C5orf58: variants seen among roughly 807,000 people sequenced by gnomAD.
C5orf58 encodes the protein chromosome 5 open reading frame 58.
In C5orf58, 2 loss-of-function variants were observed where a neutral mutation model predicts 2.9. That is an observed-to-expected ratio of 0.69 (90% confidence interval 0.28 to 2.18). C5orf58 has a LOEUF of 2.18. Among genes scored for constraint, C5orf58 ranks in the 30% most tolerant of loss-of-function variants. C5orf58 has a pLI of 0.13. For synonymous variants in C5orf58, 37 were observed against 33.4 expected, an observed-to-expected ratio of 1.11 and a Z score of -0.37; for missense variants, 96 against 91.7, an observed-to-expected ratio of 1.05 and a Z score of -0.19.
At chr5:170,234,463 C>T (rs1175439533) in intron 2 of C5orf58, among the ~76,000 whole-genome samples, 1 of 152,174 alleles carries the variant, frequency 6.6e-6, no homozygotes, top group Non-Finnish European at 1.5e-5. Flanking sequence ...TACTCTAACT[C>T]CCAAAACCAA....
chr5:170,252,304 C>A (rs1761462158), downstream of C5orf58: 3 of 505,494 alleles, frequency 5.9e-6, no homozygotes, highest in African/African-American at 1.9e-5. Flanking sequence ...ACTAATGGGT[C>A]TCCTAGGTAT....
chr5:170,241,114 T>A (rs1277019331), intron 3 of C5orf58, among the ~76,000 whole-genome samples: 1 of 150,632 alleles, frequency 6.6e-6, no homozygotes, highest in Non-Finnish European at 1.5e-5. Flanking sequence ...CTGAGGGCTC[T>A]GTTCTGTTCC....
chr5:170,250,694 A>G (rs1182460242), downstream of C5orf58: 2 of 1,579,302 alleles, frequency 1.3e-6, no homozygotes. Context: ...GCATAAATAA[A>G]GACTTTGGGA....
At position 170,252,182 on chromosome 5, in the gene C5orf58, A is replaced by G. The variant is rs1030323509; in HGVS notation, c.*527A>G. The G allele has an allele frequency of 9.6e-6, 3 of 311,448 alleles. No individual in the cohort carries two copies. In the East Asian group the frequency reaches 1.6e-4, roughly 16 times the overall value. 19.3% of individuals were successfully genotyped at this position (311,448 alleles called of 1,614,324 possible). A position where few individuals can be genotyped will look rare whatever the true frequency, so the allele number is the denominator to read the frequency against. ...GACAAGACAGACTCTTTCATTAATA[A>G]AATCTCCTAAGATGCTGCCAACCAA... is the stretch of plus-strand genomic sequence containing the variant. On this transcript the variant is annotated 3_prime_UTR_variant, in exon 3 of 3. Transcript: ENST00000517575.
chr5:170,250,931 AT>A, downstream of C5orf58: 1 of 1,551,410 alleles, frequency 6.4e-7, no homozygotes, highest in Non-Finnish European at 8.8e-7. Context: ...AAAAGTCAAT[AT>A]TTTTGTTGCT....
In C5orf58 at chr5:170,246,075, T is replaced by C; in HGVS notation, c.208T>C (p.Ser70Pro). The part of the protein sequence containing the change: ...NNPLFEESKI[S>P]DVSLVSNSFS... Reference sequence around the variant, plus strand: ...CCCCCTCTTTGAAGAGTCTAAAATATCAGATGTATCCCTTGTTTCTAACAG... The same window carrying C: ...CCCCCTCTTTGAAGAGTCTAAAATACCAGATGTATCCCTTGTTTCTAACAG... Residue 70 changes from serine (S) to proline (P), a missense_variant, in exon 4 of 4, where the codon TCA becomes CCA. Coordinates refer to ENST00000593851, the MANE Select transcript of C5orf58 (RefSeq NM_001102609.3). The C allele has an allele frequency of 6.2e-7, 1 of 1,613,518 alleles. No homozygotes were observed. Among genetic ancestry groups the C allele is most frequent in the Non-Finnish European group, 8.5e-7 (1 of 1,179,548 alleles).
chr5:170,233,765 C>G (rs1333980355), intron 1 of C5orf58: 1 of 219,490 alleles, frequency 4.6e-6, no homozygotes, highest in African/African-American at 2.4e-5. Flanking sequence ...CAGACCTGTC[C>G]TGCCTCCAGT....
At chr5:170,248,610 C>T, downstream of C5orf58, 2 of 1,456,510 alleles carry the variant, frequency 1.4e-6, no homozygotes, top group Non-Finnish European at 1.9e-6. Context: ...CAGTTCAGTC[C>T]TAAGTGTTTG....
Position 170,234,958 on chromosome 5 carries a change from GT to G in C5orf58, c.1-14del. Reference sequence around the variant, plus strand: ...AAATACTGATTTATACATTGTTTCTGTTTTTCTTTTAAAATCAGATGGGTAA... The same window carrying G: ...AAATACTGATTTATACATTGTTTCTGTTTTCTTTTAAAATCAGATGGGTAA... On this transcript the variant is annotated intron_variant, in intron 2 of 3. Transcript: ENST00000593851. The G allele has an allele frequency of 2.4e-6, 3 of 1,224,996 alleles. No homozygotes were observed. The highest frequency in any genetic ancestry group is 2.3e-6 in the Non-Finnish European group (2 of 860,384). The allele number at this position is 1,224,996 out of a possible 1,614,324, so 75.9% of individuals were successfully genotyped here. A position where few individuals can be genotyped will look rare whatever the true frequency, so the allele number is the denominator to read the frequency against.
exon 3 of C5orf58, chr5:170,251,873 G>T: frequency 3.8e-6 from 1 of 262,898 alleles, no homozygotes; most frequent in Non-Finnish European, 8.1e-6. Context: ...CTACTGGTGT[G>T]GAGTTTAAGT....
At chr5:170,247,068 T>C (rs1485358274), downstream of C5orf58, 1 of 152,208 alleles carries the variant, frequency 6.6e-6, no homozygotes, top group Admixed American at 6.5e-5. Context: ...ATTGTAAAGA[T>C]AGAATACGGC....
intron 3 of C5orf58, among the ~76,000 whole-genome samples, chr5:170,245,459 G>T (rs529102141): frequency 6.6e-6 from 1 of 152,208 alleles, no homozygotes; most frequent in Non-Finnish European, 1.5e-5. Flanking sequence ...AGCCAGGTGC[G>T]GGATATAATC....
chr5:170,250,769 A>C, downstream of C5orf58: 1 of 1,613,378 alleles, frequency 6.2e-7, no homozygotes, highest in Non-Finnish European at 8.5e-7. Flanking sequence ...AGTAAACTTG[A>C]CTTTCCTTCT....
intron 3 of C5orf58, among the ~76,000 whole-genome samples, chr5:170,238,499 T>G (rs1399811463): frequency 6.6e-6 from 1 of 152,032 alleles, no homozygotes; most frequent in Non-Finnish European, 1.5e-5. Context: ...ATAAGAGTGT[T>G]AGAAAGAGAG....
chr5:170,237,895 GT>G (rs201083185), intron 3 of C5orf58, among the ~76,000 whole-genome samples: 4 of 152,096 alleles, frequency 2.6e-5, no homozygotes, highest in East Asian at 1.9e-4. Flanking sequence ...AAGACCCCCA[GT>G]TTTTTTTCCT....
chr5:170,247,330 AGTCTCTACCTTCT>A (rs1262088548), downstream of C5orf58: 4 of 152,248 alleles, frequency 2.6e-5, no homozygotes, highest in Non-Finnish European at 5.9e-5. Flanking sequence ...ATCAGTTAAA[AGTCTCTACCTTCT>A]GCATACTCCT....
intron 3 of C5orf58, among the ~76,000 whole-genome samples, chr5:170,242,920 T>C (rs1278821332): frequency 1.4e-5 from 2 of 143,846 alleles, no homozygotes; most frequent in Admixed American, 7.0e-5. Flanking sequence ...CATTTAGTGC[T>C]ATAAATTTCC....
At chr5:170,248,969 G>T, downstream of C5orf58, 3 of 740,408 alleles carry the variant, frequency 4.1e-6, no homozygotes, top group Non-Finnish European at 6.5e-6. Context: ...TTAGTTTAAT[G>T]ATTTCTGCTA....
chr5:170,247,327 A>T (rs1761320961), downstream of C5orf58: 1 of 152,250 alleles, frequency 6.6e-6, no homozygotes, highest in Non-Finnish European at 1.5e-5. Context: ...ATCATCAGTT[A>T]AAAGTCTCTA....
Sources: gnomAD v4.1 joint callset for allele counts (sites outside exome capture counted in the v4.1 genomes callset) on GRCh38, gnomAD v4.1.1 for gene constraint, MANE v1.5 for transcripts, NCBI Gene and HGNC (gene_info 2026-07-23, HGNC 2026-07-21) for gene names.